The following MOSMO variants were observed in gnomAD, a reference collection of about 807,000 sequenced individuals.
MOSMO encodes modulator of smoothened.
Under a neutral mutation model 18.4 loss-of-function variants are expected in MOSMO, and 5 were observed. The observed-to-expected ratio is 0.27, with a 90% CI of 0.14 to 0.57. The LOEUF is 0.57. MOSMO is among the 20% of genes least tolerant of loss of function. MOSMO has a pLI of 0.92. For synonymous variants in MOSMO, 82 were observed against 82.3 expected (o/e 1.00, Z 0.02); for missense variants, 138 against 211.8 (o/e 0.65, Z 2.16).
intron 1 of MOSMO, among the ~76,000 whole-genome samples, chr16:22,024,878 C>T (rs995435085): frequency 2.0e-5 from 3 of 152,142 alleles, no homozygotes; most frequent in East Asian, 3.9e-4. Flanking sequence ...CTGGACATGA[C>T]GGTTCATGTG....
At chr16:22,063,693 A>G (rs940342140) in intron 1 of MOSMO, among the ~76,000 whole-genome samples, 1 of 152,190 alleles carries the variant, frequency 6.6e-6, no homozygotes, top group Non-Finnish European at 1.5e-5. Context: ...GTTACATTTT[A>G]TAAGGAACAA....
chr16:22,018,329 G>T (rs571441297), intron 1 of MOSMO, among the ~76,000 whole-genome samples: 2 of 152,224 alleles, frequency 1.3e-5, no homozygotes, highest in East Asian at 3.9e-4. Flanking sequence ...CTGGAACATG[G>T]TTGGGTCCAA....
At position 22,083,759 on chromosome 16, in the gene MOSMO, A is replaced by G; in HGVS notation, c.*2879A>G. On this transcript the variant is annotated 3_prime_UTR_variant, in exon 3 of 3. Transcript: ENST00000542527. ...TTTAGGTTTTATTTGCACAAGACTG[A>G]ATTAGTTTGACATTTTTGGAAGCTC... 1 of 435,002 alleles carries G rather than the reference A, an allele frequency of 2.3e-6. No homozygotes were observed. The highest frequency in any genetic ancestry group is 4.5e-6 in the Non-Finnish European group (1 of 220,890). 26.9% of individuals were successfully genotyped at this position (435,002 alleles called of 1,614,324 possible).
At chr16:22,023,624 T>C (rs573711521) in intron 1 of MOSMO, among the ~76,000 whole-genome samples, 13 of 152,130 alleles carry the variant, frequency 8.5e-5, no homozygotes, top group Non-Finnish European at 1.6e-4. Context: ...GCCCTTCCTC[T>C]CTAGGAGCCT....
rs781678242 is a variant in MOSMO at position 22,008,271 on chromosome 16, G to C, written c.-31G>C. ...GGCGTGAGGCCGCTGCCTGTCCGGG[G>C]CTCGGGGGGTGGGGGGAGCGGGGCG... is the stretch of plus-strand genomic sequence containing the variant. On this transcript the variant is annotated 5_prime_UTR_variant, in exon 1 of 3. Coordinates refer to ENST00000542527, the MANE Select transcript of MOSMO (RefSeq NM_001164579.2). 1 of 1,439,600 alleles carries C rather than the reference G, an allele frequency of 6.9e-7. No individual in the cohort carries two copies. Among genetic ancestry groups the C allele is most frequent in the Non-Finnish European group, 9.3e-7 (1 of 1,078,108 alleles). The allele number at this position is 1,439,600 out of a possible 1,614,324, so 89.2% of individuals were successfully genotyped here.
chr16:22,075,344 A>G, intron 1 of MOSMO, 143 bp from the exon 2 acceptor site: 1 of 716,216 alleles, frequency 1.4e-6, no homozygotes, highest in Non-Finnish European at 2.5e-6. Context: ...ACTACAGCAG[A>G]TGCTGAAGAG....
chr16:22,079,333 C>T (rs560511511), intron 2 of MOSMO, among the ~76,000 whole-genome samples: 19 of 152,212 alleles, frequency 1.2e-4, no homozygotes, highest in African/African-American at 4.1e-4. Context: ...CCTCACATTA[C>T]ACTGAAGAAG....
chr16:22,059,149 C>T (rs894584584), intron 1 of MOSMO, among the ~76,000 whole-genome samples: 1 of 152,068 alleles, frequency 6.6e-6, no homozygotes, highest in Non-Finnish European at 1.5e-5. Flanking sequence ...TAGACTTGGC[C>T]ATTCATTGAT....
At chr16:22,041,321 G>A (rs1473973559) in intron 1 of MOSMO, among the ~76,000 whole-genome samples, 1 of 152,178 alleles carries the variant, frequency 6.6e-6, no homozygotes, top group East Asian at 1.9e-4. Flanking sequence ...TTTAGAGAGA[G>A]AGCAGAAAGA....
In MOSMO at chr16:22,083,985, T is replaced by C. The variant is rs934187810; in HGVS notation, c.*3105T>C. ...TTTTGAAGGATGGCTCTTTTTTCTTTTTAATGTTCTAGATGACCAAAACAC... is the reference window on the plus strand; with the variant it reads ...TTTTGAAGGATGGCTCTTTTTTCTTCTTAATGTTCTAGATGACCAAAACAC... On this transcript the variant is annotated 3_prime_UTR_variant, in exon 3 of 3. Transcript: ENST00000542527. The C allele has an allele frequency of 3.2e-5, 9 of 280,020 alleles. No individual in the cohort carries two copies. The highest frequency in any genetic ancestry group is 5.3e-5 in the Admixed American group (1 of 19,028). The allele number at this position is 280,020 out of a possible 1,614,324, so 17.3% of individuals were successfully genotyped here. A position where few individuals can be genotyped will look rare whatever the true frequency, so the allele number is the denominator to read the frequency against.
intron 1 of MOSMO, among the ~76,000 whole-genome samples, chr16:22,029,961 T>C (rs1367026049): frequency 1.3e-5 from 2 of 152,150 alleles, no homozygotes; most frequent in Non-Finnish European, 2.9e-5. Flanking sequence ...CTAAACAACT[T>C]CACAGAAAAA....
chr16:22,011,098 G>A (rs958842617), intron 1 of MOSMO, among the ~76,000 whole-genome samples: 13 of 152,152 alleles, frequency 8.5e-5, no homozygotes. Context: ...CGAAATAATT[G>A]CAGAGAAAGC....
rs12923906 is a variant in MOSMO at position 22,083,157 on chromosome 16, A to G, written c.*2277A>G. On this transcript the variant is annotated 3_prime_UTR_variant, in exon 3 of 3. Transcript: ENST00000542527. ...TGAATTGTATTGTAAATAGTTTCTC[A>G]AAATATTTTTAACTGGATCATGAGC... 8,498 of 152,360 alleles carry G rather than the reference A, an allele frequency of 0.056. 341 individuals are homozygous for G. Among genetic ancestry groups the G allele is most frequent in the Non-Finnish European group, 0.085 (5,776 of 68,048 alleles). The allele number at this position is 152,360 out of a possible 1,614,324, so 9.4% of individuals were successfully genotyped here.
At chr16:22,054,801 G>A (rs891266461) in intron 1 of MOSMO, among the ~76,000 whole-genome samples, 3 of 151,800 alleles carry the variant, frequency 2.0e-5, no homozygotes, top group Non-Finnish European at 1.5e-5. Context: ...TCTACTAATT[G>A]GACACCTTTC....
downstream of MOSMO, among the ~76,000 whole-genome samples, chr16:22,091,133 C>A (rs1314202785): frequency 6.6e-6 from 1 of 152,126 alleles, no homozygotes; most frequent in Non-Finnish European, 1.5e-5. Context: ...CACCGAGTAG[C>A]CATTGGTTGC....
intron 2 of MOSMO, among the ~76,000 whole-genome samples, chr16:22,079,920 A>G (rs773092263): frequency 1.6e-4 from 25 of 152,158 alleles, no homozygotes; most frequent in Non-Finnish European, 3.2e-4. Flanking sequence ...AGTAGCTGGG[A>G]TTACAGGCTT....
chr16:22,062,303 A>G (rs1364918947), intron 1 of MOSMO, among the ~76,000 whole-genome samples: 1 of 151,822 alleles, frequency 6.6e-6, no homozygotes, highest in Non-Finnish European at 1.5e-5. Context: ...TGTTTCTCTT[A>G]TTTCTTTTTT....
chr16:22,074,795 C>T (rs185678789), intron 1 of MOSMO, among the ~76,000 whole-genome samples: 13 of 152,332 alleles, frequency 8.5e-5, no homozygotes, highest in South Asian at 6.2e-4. Context: ...TTCTGTGAAG[C>T]ATGCCAGCCA....
intron 1 of MOSMO, among the ~76,000 whole-genome samples, chr16:22,067,262 G>C (rs1284152851): frequency 6.6e-6 from 1 of 152,018 alleles, no homozygotes; most frequent in East Asian, 1.9e-4. Context: ...ACACATAACG[G>C]GAATTCCTGA....
Sources: gnomAD v4.1 joint callset for allele counts (sites outside exome capture counted in the v4.1 genomes callset) on GRCh38, gnomAD v4.1.1 for gene constraint, MANE v1.5 for transcripts, NCBI Gene and HGNC (gene_info 2026-07-23, HGNC 2026-07-21) for gene names.